Variants in TANC2 observed in about 807,000 individuals in gnomAD.
The protein encoded by TANC2 is tetratricopeptide repeat, ankyrin repeat and coiled-coil containing 2, also known as protein TANC2.
In TANC2, 26 loss-of-function variants were observed where a neutral mutation model predicts 210.5. The observed-to-expected ratio is 0.12, with a 90% CI of 0.09 to 0.17. TANC2 has a LOEUF of 0.17. Among genes scored for constraint, TANC2 ranks in the 10% least tolerant of loss-of-function variants. The pLI is 1.00. For missense variants in TANC2, 2,129 were observed against 2,608.9 expected, an observed-to-expected ratio of 0.82 and a Z score of 4.01; for synonymous variants, 931 against 967.1, an observed-to-expected ratio of 0.96 and a Z score of 0.69.
chr17:63,316,019 A>T (rs954253094), intron 10 of TANC2, among the ~76,000 whole-genome samples: 1 of 152,110 alleles, frequency 6.6e-6, no homozygotes, highest in Admixed American at 6.5e-5. Flanking sequence ...GTGCCCCAAC[A>T]CTCAAATTGA....
intron 3 of TANC2, among the ~76,000 whole-genome samples, chr17:63,090,980 G>T (rs908146599): frequency 6.8e-6 from 1 of 146,082 alleles, no homozygotes; most frequent in African/African-American, 2.6e-5. Flanking sequence ...ATTTTTTCAT[G>T]TGTCTGTTGG....
At chr17:63,120,067 T>A (rs12051724) in intron 4 of TANC2, among the ~76,000 whole-genome samples, 4 of 151,100 alleles carry the variant, frequency 2.6e-5, no homozygotes, top group South Asian at 2.1e-4. Flanking sequence ...AAAAAAAAAA[T>A]TAATAACAAA....
chr17:63,223,739 T>C (rs2042256656), intron 7 of TANC2, among the ~76,000 whole-genome samples: 1 of 152,014 alleles, frequency 6.6e-6, no homozygotes, highest in Admixed American at 6.6e-5. Context: ...TGGAGTGTCT[T>C]TAATAACGAG....
chr17:63,320,665 T>C (rs2045466959), intron 11 of TANC2, among the ~76,000 whole-genome samples: 1 of 152,228 alleles, frequency 6.6e-6, no homozygotes, highest in African/African-American at 2.4e-5. Context: ...CCAATATTGC[T>C]ACTAAATACT....
At chr17:63,366,385 G>T (rs556960643) in intron 14 of TANC2, among the ~76,000 whole-genome samples, 2 of 152,332 alleles carry the variant, frequency 1.3e-5, no homozygotes, top group South Asian at 4.1e-4. Context: ...TCAAGGCAGA[G>T]TGCTGTGCTA....
At chr17:63,368,479 G>A (rs1352920997) in intron 14 of TANC2, among the ~76,000 whole-genome samples, 3 of 152,156 alleles carry the variant, frequency 2.0e-5, no homozygotes, top group African/African-American at 7.2e-5. Context: ...AGAATATAAA[G>A]TAGAAAGTTT....
At chr17:63,106,466 C>T (rs1250526963) in intron 4 of TANC2, among the ~76,000 whole-genome samples, 1 of 151,544 alleles carries the variant, frequency 6.6e-6, no homozygotes, top group East Asian at 1.9e-4. Flanking sequence ...TATTGCCGAA[C>T]CAACTAAACA....
intron 7 of TANC2, among the ~76,000 whole-genome samples, chr17:63,234,249 A>G (rs1381637818): frequency 3.3e-5 from 5 of 152,208 alleles, no homozygotes; most frequent in Non-Finnish European, 7.3e-5. Flanking sequence ...AGCAGACATA[A>G]ACACTTCACC....
At chr17:63,194,464 A>G (rs2041279540) in intron 6 of TANC2, among the ~76,000 whole-genome samples, 1 of 152,246 alleles carries the variant, frequency 6.6e-6, no homozygotes, top group African/African-American at 2.4e-5. Flanking sequence ...AATTGGTTAT[A>G]TGCTGAGCCA....
rs372115090 is a variant in TANC2, at chr17:63,199,483, A to T, written c.583-1288A>T. Among the ~76,000 whole-genome samples the T allele has an allele frequency of 2.0e-5, 3 of 151,926 alleles. No individual in the cohort carries two copies. The South Asian group carries it at 6.2e-4, about 32-fold the overall frequency. Reference sequence around the variant, plus strand: ...AAACTATAAAAATTAGCCAGGCGTGATATTTGGCGGCTGTAATCCCAGCTA... The same window carrying T: ...AAACTATAAAAATTAGCCAGGCGTGTTATTTGGCGGCTGTAATCCCAGCTA... On this transcript the variant is annotated intron_variant, in intron 6 of 27. Transcript: ENST00000689528.
intron 2 of TANC2, among the ~76,000 whole-genome samples, chr17:63,038,158 A>G (rs965664480): frequency 2.0e-5 from 3 of 152,164 alleles, no homozygotes; most frequent in Non-Finnish European, 4.4e-5. Flanking sequence ...CTAGCTGTAG[A>G]TATTTTATGG....
At chr17:63,312,010 C>T (rs529385549) in intron 9 of TANC2, among the ~76,000 whole-genome samples, 29 of 152,076 alleles carry the variant, frequency 1.9e-4, no homozygotes, top group South Asian at 4.1e-4. Flanking sequence ...GAATAGATAG[C>T]GGTGATGGTT....
chr17:63,348,504 A>G (rs2046488762), intron 12 of TANC2, among the ~76,000 whole-genome samples: 1 of 152,244 alleles, frequency 6.6e-6, no homozygotes, highest in Non-Finnish European at 1.5e-5. Context: ...TAGTTAGTCC[A>G]TGACAAAATA....
intron 9 of TANC2, among the ~76,000 whole-genome samples, chr17:63,290,752 T>C (rs2044359428): frequency 6.6e-6 from 1 of 152,144 alleles, no homozygotes; most frequent in Non-Finnish European, 1.5e-5. Flanking sequence ...TGGAAATTCA[T>C]GTCAAATTTT....
intron 1 of TANC2, among the ~76,000 whole-genome samples, chr17:62,979,246 C>CAAT (rs2032181281): frequency 6.6e-6 from 1 of 152,134 alleles, no homozygotes; most frequent in African/African-American, 2.4e-5. Flanking sequence ...ATGAGAAACC[C>CAAT]AATGCTGCCA....
intron 5 of TANC2, chr17:63,152,725 T>G (rs1200210995): frequency 6.6e-6 from 1 of 152,144 alleles, no homozygotes. Flanking sequence ...TAATTTTCTA[T>G]CCCTTTCTTG....
At chr17:63,212,815 T>C (rs1381768306) in intron 7 of TANC2, among the ~76,000 whole-genome samples, 1 of 152,238 alleles carries the variant, frequency 6.6e-6, no homozygotes, top group East Asian at 1.9e-4. Flanking sequence ...TGTGTCTTTG[T>C]GCCACAAATT....
At chr17:63,020,312 C>T (rs1026172441) in intron 2 of TANC2, among the ~76,000 whole-genome samples, 1 of 151,736 alleles carries the variant, frequency 6.6e-6, no homozygotes. Context: ...TATTCTTTTT[C>T]TTTTTTTTCA....
intron 8 of TANC2, among the ~76,000 whole-genome samples, chr17:63,247,902 A>G (rs1014979417): frequency 2.0e-5 from 3 of 152,138 alleles, no homozygotes; most frequent in African/African-American, 7.2e-5. Flanking sequence ...TGTTTTTTGT[A>G]TCTGGAAACC....
Sources: allele counts gnomAD v4.1 joint callset (sites outside exome capture counted in the v4.1 genomes callset), GRCh38; gene constraint gnomAD v4.1.1; transcripts MANE v1.5; gene names NCBI Gene and HGNC (gene_info 2026-07-23, HGNC 2026-07-21).